The following SLC8A3 variants were observed in gnomAD, a reference collection of about 807,000 sequenced individuals.
SLC8A3 encodes the protein solute carrier family 8 member A3, also known as sodium/calcium exchanger 3.
SLC8A3 carries 37 observed loss-of-function variants against 65.4 expected under a neutral mutation model. That is an observed-to-expected ratio of 0.57 (90% CI 0.44 to 0.74). The LOEUF (loss-of-function observed/expected upper bound fraction) is 0.74, where lower values mean the gene tolerates loss of function less well. SLC8A3 is among the 30% of genes least tolerant of loss of function. SLC8A3 has a pLI of 0.00. For synonymous variants in SLC8A3, 461 were observed against 444.5 expected (o/e 1.04, Z -0.47); for missense variants, 1,112 against 1,172.1 (o/e 0.95, Z 0.75).
chr14:70,189,099 C>T (rs1883604923), upstream of SLC8A3: 1 of 152,208 alleles, frequency 6.6e-6, no homozygotes, highest in Admixed American at 6.5e-5. Context: ...GCATATTTAT[C>T]CTCGCGCGCG....
At chr14:70,077,586 T>C (rs1479412644) in intron 2 of SLC8A3, among the ~76,000 whole-genome samples, 1 of 152,160 alleles carries the variant, frequency 6.6e-6, no homozygotes, top group East Asian at 1.9e-4. Context: ...CGACCTTGGA[T>C]AAGGAGAAGT....
chr14:70,170,879 C>T (rs1897486410), intron 1 of SLC8A3, among the ~76,000 whole-genome samples: 1 of 152,064 alleles, frequency 6.6e-6, no homozygotes, highest in South Asian at 2.1e-4. Context: ...ACCTGTTGTG[C>T]CTTTGACCTC....
At chr14:70,156,262 G>A (rs2140325482) in intron 2 of SLC8A3, among the ~76,000 whole-genome samples, 1 of 152,312 alleles carries the variant, frequency 6.6e-6, no homozygotes, top group African/African-American at 2.4e-5. Context: ...AAGCTTCTGT[G>A]TTATATGTAG....
chr14:70,173,576 T>C (rs1897681857), intron 1 of SLC8A3, among the ~76,000 whole-genome samples: 1 of 152,204 alleles, frequency 6.6e-6, no homozygotes, highest in Non-Finnish European at 1.5e-5. Context: ...CCTCCTGCTA[T>C]GCCCTCCACT....
intron 2 of SLC8A3, chr14:70,080,033 G>T (rs566617501): frequency 6.6e-4 from 609 of 920,170 alleles, no homozygotes; most frequent in Non-Finnish European, 7.7e-4. Flanking sequence ...TGTCGTGCGG[G>T]TGACATGAGA....
chr14:70,046,809 T>A lies in SLC8A3; in HGVS notation c.2390-486A>T, dbSNP rs1227283470. On this transcript the variant is annotated intron_variant, in intron 6 of 6. Coordinates refer to ENST00000356921, the MANE Select transcript of SLC8A3 (RefSeq NM_182932.3). The surrounding 1 kb of genome is among the most constrained non-coding windows in gnomAD (Gnocchi z 4.2). ...TGCTGGATTTTGGGGACAGAGGACA[T>A]GTTGGGGAACCATGATGGGGACATG... 1.3e-5 allele frequency: 2 copies of A among 156,926 alleles called. No individual in the cohort carries two copies. Among genetic ancestry groups the A allele is most frequent in the East Asian group, 1.9e-4 (1 of 5,316 alleles). 9.7% of individuals were successfully genotyped at this position (156,926 alleles called of 1,614,324 possible).
intron 4 of SLC8A3, 82 bp downstream of exon 4, chr14:70,051,908 A>G (rs897900193): frequency 2.6e-5 from 31 of 1,189,776 alleles, no homozygotes; most frequent in Non-Finnish European, 3.5e-5. Context: ...TTCACTAGTG[A>G]AAGTGGAAAA....
At chr14:70,145,274 A>C (rs1159968212) in intron 2 of SLC8A3, among the ~76,000 whole-genome samples, 1 of 152,170 alleles carries the variant, frequency 6.6e-6, no homozygotes, top group African/African-American at 2.4e-5. Context: ...TCCCTCACCT[A>C]CTTCCAAATC....
intron 2 of SLC8A3, among the ~76,000 whole-genome samples, chr14:70,109,424 T>C (rs959801586): frequency 2.1e-5 from 3 of 142,842 alleles, no homozygotes; most frequent in Non-Finnish European, 3.0e-5. Flanking sequence ...TAATAATGTG[T>C]ATATATATAC....
At chr14:70,057,735 G>A (rs1888325590) in intron 3 of SLC8A3, among the ~76,000 whole-genome samples, 1 of 152,156 alleles carries the variant, frequency 6.6e-6, no homozygotes, top group African/African-American at 2.4e-5. Context: ...TTGATCCCCT[G>A]GGTCAGGTGA....
At chr14:70,117,120 A>G (rs542638275) in intron 2 of SLC8A3, among the ~76,000 whole-genome samples, 110 of 152,214 alleles carry the variant, frequency 7.2e-4, no homozygotes, top group Non-Finnish European at 1.2e-3. Flanking sequence ...TGCAGCCCAG[A>G]TTCCCCTTTG....
At chr14:70,067,766 C>T (rs113990704) in intron 2 of SLC8A3, among the ~76,000 whole-genome samples, 6 of 152,326 alleles carry the variant, frequency 3.9e-5, no homozygotes, top group South Asian at 2.1e-4. Flanking sequence ...TTTGTCTACT[C>T]CAAGGAAGCT....
At chr14:70,161,890 G>A (rs1222734334) in intron 2 of SLC8A3, among the ~76,000 whole-genome samples, 2 of 152,266 alleles carry the variant, frequency 1.3e-5, no homozygotes, top group Non-Finnish European at 2.9e-5. Context: ...ATCCCTGGAA[G>A]GGAATGGTCT....
At chr14:70,174,651 GTTTTTTTTTTGTTTTTTTTT>G (rs1217570147) in intron 1 of SLC8A3, among the ~76,000 whole-genome samples, 8,808 of 90,000 alleles carry the variant, frequency 0.098, 470 homozygotes, top group Middle Eastern at 0.15. Context: ...GACCAAATCC[GTTTTTTTTTTGTTTTTTTTT>G]TTTTTTTTTT....
chr14:70,143,143 G>C (rs1184077457), intron 2 of SLC8A3, among the ~76,000 whole-genome samples: 2 of 152,136 alleles, frequency 1.3e-5, no homozygotes, highest in African/African-American at 2.4e-5. Flanking sequence ...CAGATTTTTT[G>C]ACTTGGTGGT....
At position 70,072,429 on chromosome 14, in the gene SLC8A3, A is replaced by T. The variant is rs182295247; in HGVS notation, c.1785-11490T>A. On this transcript the variant is annotated intron_variant, in intron 2 of 6. Transcript: ENST00000356921. Reference sequence around the variant, plus strand: ...TTTAGACATTATTCTTTTAAAGTAGATGCCTTTTTTTTTAAGGTTTTCATG... The same window carrying T: ...TTTAGACATTATTCTTTTAAAGTAGTTGCCTTTTTTTTTAAGGTTTTCATG... Among the ~76,000 whole-genome samples, 428 of 131,090 alleles carry T rather than the reference A, an allele frequency of 3.3e-3. 1 individual carries two copies. Among genetic ancestry groups the T allele is most frequent in the African/African-American group, 0.012 (420 of 34,256 alleles). The allele number at this position is 131,090 out of a possible 152,430, so 86.0% of individuals were successfully genotyped here.
intron 2 of SLC8A3, among the ~76,000 whole-genome samples, chr14:70,095,934 T>G (rs1427829257): frequency 6.6e-6 from 1 of 151,858 alleles, no homozygotes; most frequent in Non-Finnish European, 1.5e-5. Context: ...CAGGCTGGAG[T>G]GCAGTGGCGC....
intron 2 of SLC8A3, among the ~76,000 whole-genome samples, chr14:70,125,488 G>T (rs1002407886): frequency 1.1e-4 from 17 of 152,092 alleles, no homozygotes; most frequent in Non-Finnish European, 2.2e-4. Context: ...CTTCCATATT[G>T]CTGCAAAAGA....
intron 1 of SLC8A3, among the ~76,000 whole-genome samples, chr14:70,178,796 T>G (rs1211101236): frequency 6.6e-6 from 1 of 152,230 alleles, no homozygotes; most frequent in Non-Finnish European, 1.5e-5. Context: ...AGATTTAATA[T>G]TTAATATTAC....
Sources: allele counts gnomAD v4.1 joint callset (sites outside exome capture counted in the v4.1 genomes callset), GRCh38; gene constraint gnomAD v4.1.1; non-coding constraint Gnocchi (gnomAD v3.1); transcripts MANE v1.5; gene names NCBI Gene and HGNC (gene_info 2026-07-23, HGNC 2026-07-21).